ASIC2: variants seen among roughly 807,000 people sequenced by gnomAD.
ASIC2 encodes the protein acid sensing ion channel subunit 2, also known as acid-sensing ion channel 2.
A neutral mutation model predicts 57.3 loss-of-function variants in ASIC2; 25 were observed. That is an observed-to-expected ratio of 0.44 (90% CI 0.32 to 0.61). The LOEUF is 0.61. Among genes scored for constraint, ASIC2 ranks in the 20% least tolerant of loss-of-function variants. ASIC2 has a pLI of 0.06. For missense variants in ASIC2, 641 were observed against 738.1 expected (o/e 0.87, Z 1.52); for synonymous variants, 319 against 307.5 (o/e 1.04, Z -0.39).
At chr17:33,527,351 T>C in intron 1 of ASIC2, among the ~76,000 whole-genome samples, 1 of 152,166 alleles carries the variant, frequency 6.6e-6, no homozygotes, top group Non-Finnish European at 1.5e-5. Flanking sequence ...CAGAAGTAGC[T>C]GAAACCAAGT....
intron 1 of ASIC2, among the ~76,000 whole-genome samples, chr17:33,509,823 A>G (rs1396444483): frequency 6.6e-6 from 1 of 152,364 alleles, no homozygotes; most frequent in East Asian, 1.9e-4. Context: ...GGTGAAAGCA[A>G]GGCTAGACTG....
intron 1 of ASIC2, among the ~76,000 whole-genome samples, chr17:33,471,220 G>A (rs946542676): frequency 1.3e-5 from 2 of 152,094 alleles, no homozygotes; most frequent in Non-Finnish European, 2.9e-5. Flanking sequence ...ATTTGTGATC[G>A]TTAGTGTGAG....
chr17:34,070,596 C>T (rs2142067736), intron 1 of ASIC2: 1 of 152,234 alleles, frequency 6.6e-6, no homozygotes, highest in Non-Finnish European at 1.5e-5. Flanking sequence ...TCCCTGAGTC[C>T]CATGTAGCAT....
At chr17:33,870,065 A>C (rs563698749) in intron 1 of ASIC2, among the ~76,000 whole-genome samples, 14 of 152,206 alleles carry the variant, frequency 9.2e-5, no homozygotes, top group Admixed American at 2.0e-4. Flanking sequence ...TCTTGCTCTG[A>C]TGGAGCATAG....
chr17:33,769,899 A>C (rs10445403), intron 1 of ASIC2, among the ~76,000 whole-genome samples: 18,203 of 152,160 alleles, frequency 0.12, 1,452 homozygotes, highest in East Asian at 0.25. Context: ...CTCCTCTCTT[A>C]TGAGGACTCT....
At chr17:33,348,765 C>A (rs576519909) in intron 1 of ASIC2, among the ~76,000 whole-genome samples, 122 of 152,082 alleles carry the variant, frequency 8.0e-4, no homozygotes, top group Non-Finnish European at 1.2e-3. Context: ...TCAAGCTGGT[C>A]TCTTCTCTCC....
intron 1 of ASIC2, among the ~76,000 whole-genome samples, chr17:33,464,465 TTC>T (rs1912746515): frequency 1.1e-5 from 1 of 87,750 alleles, no homozygotes; most frequent in Admixed American, 1.0e-4. Context: ...TTCTCTTTCT[TTC>T]TTTCTTTCTT....
chr17:33,337,034 T>C (rs1201878923), intron 1 of ASIC2, among the ~76,000 whole-genome samples: 1 of 151,224 alleles, frequency 6.6e-6, no homozygotes, highest in African/African-American at 2.4e-5. Context: ...TTCTTCTAAT[T>C]TGGGCTCTCC....
intron 1 of ASIC2, among the ~76,000 whole-genome samples, chr17:33,763,991 A>G (rs1567709467): frequency 6.6e-6 from 1 of 152,092 alleles, no homozygotes; most frequent in Non-Finnish European, 1.5e-5. Context: ...AGCCTTTTCT[A>G]GTTTAAGAGT....
At chr17:33,476,122 A>C (rs12602517) in intron 1 of ASIC2, among the ~76,000 whole-genome samples, 41,382 of 152,026 alleles carry the variant, frequency 0.27, 5,739 homozygotes, top group South Asian at 0.33. Flanking sequence ...AGTATGTGGC[A>C]CAGAACACTG....
At chr17:33,308,847 G>A (rs2142202321) in intron 1 of ASIC2, among the ~76,000 whole-genome samples, 1 of 152,268 alleles carries the variant, frequency 6.6e-6, no homozygotes, top group East Asian at 1.9e-4. Context: ...GATGGAATAG[G>A]TCACTTCATG....
At chr17:33,100,144 T>A (rs1181304845) in intron 2 of ASIC2, 1 of 152,244 alleles carries the variant, frequency 6.6e-6, no homozygotes, top group Non-Finnish European at 1.5e-5. Flanking sequence ...TCTATGCGTC[T>A]AACCAGCTCC....
chr17:33,886,363 G>A (rs944840540), intron 1 of ASIC2, among the ~76,000 whole-genome samples: 7 of 152,096 alleles, frequency 4.6e-5, no homozygotes, highest in Non-Finnish European at 1.0e-4. Flanking sequence ...GATTCCGATC[G>A]TAAAGGAACA....
intron 1 of ASIC2, among the ~76,000 whole-genome samples, chr17:33,734,832 C>T (rs1909861473): frequency 6.6e-6 from 1 of 152,180 alleles, no homozygotes; most frequent in Non-Finnish European, 1.5e-5. Context: ...CCTGCTTGCA[C>T]ATTCATTTTA....
chr17:33,556,110 G>A (rs1322634088), intron 1 of ASIC2, among the ~76,000 whole-genome samples: 1 of 152,200 alleles, frequency 6.6e-6, no homozygotes, highest in African/African-American at 2.4e-5. Flanking sequence ...GCTTCATCAT[G>A]AGGTAGACAA....
chr17:34,029,685 C>G (rs554188749), intron 1 of ASIC2, among the ~76,000 whole-genome samples: 1 of 152,308 alleles, frequency 6.6e-6, no homozygotes, highest in South Asian at 2.1e-4. Flanking sequence ...TTCTCTCTGT[C>G]TGCACTGTGA....
intron 1 of ASIC2, among the ~76,000 whole-genome samples, chr17:33,471,132 A>G (rs1207625779): frequency 6.6e-6 from 1 of 152,178 alleles, no homozygotes; most frequent in Non-Finnish European, 1.5e-5. Flanking sequence ...GATTCAGACA[A>G]TGGCTTTGGC....
At chr17:34,088,453 TG>T (rs1226499270) in intron 1 of ASIC2, among the ~76,000 whole-genome samples, 1 of 152,194 alleles carries the variant, frequency 6.6e-6, no homozygotes, top group Non-Finnish European at 1.5e-5. Context: ...CTGCCCCTAC[TG>T]GGGAGTGCCT....
At chr17:33,615,642 C>A (rs1201675256) in intron 1 of ASIC2, among the ~76,000 whole-genome samples, 2 of 152,148 alleles carry the variant, frequency 1.3e-5, no homozygotes, top group Admixed American at 6.6e-5. Flanking sequence ...AGATTTGTTA[C>A]ATAGGTAAGC....
Sources: gnomAD v4.1 joint callset for allele counts (sites outside exome capture counted in the v4.1 genomes callset) on GRCh38, gnomAD v4.1.1 for gene constraint, MANE v1.5 for transcripts, NCBI Gene and HGNC (gene_info 2026-07-23, HGNC 2026-07-21) for gene names.